SGCD: variants seen among roughly 807,000 people sequenced by gnomAD.
The protein encoded by SGCD is sarcoglycan delta.
Under a neutral mutation model 36.6 loss-of-function variants are expected in SGCD, and 18 were observed. That is an observed-to-expected ratio of 0.49 (90% CI 0.34 to 0.73). The LOEUF (loss-of-function observed/expected upper bound fraction) is 0.73. Among genes scored for constraint, SGCD ranks in the 30% least tolerant of loss-of-function variants. The probability of loss-of-function intolerance (pLI) is 0.01; values close to 1 mark genes in which losing one functional copy is unlikely to be tolerated. For missense variants in SGCD, 387 were observed against 346.7 expected, an observed-to-expected ratio of 1.12 and a Z score of -0.92; for synonymous variants, 133 against 130.6, an observed-to-expected ratio of 1.02 and a Z score of -0.12.
At chr5:155,914,709 C>T (rs1436521591) in intron 1 of SGCD, among the ~76,000 whole-genome samples, 1 of 152,114 alleles carries the variant, frequency 6.6e-6, no homozygotes, top group Non-Finnish European at 1.5e-5. Flanking sequence ...CAACAGATTC[C>T]AGTACATGAC....
intron 3 of SGCD, among the ~76,000 whole-genome samples, chr5:156,491,981 G>C (rs191797106): frequency 1.3e-5 from 2 of 151,962 alleles, no homozygotes; most frequent in Non-Finnish European, 2.9e-5. Flanking sequence ...GGGTTTCCCT[G>C]TCATCAGAAG....
intron 2 of SGCD, among the ~76,000 whole-genome samples, chr5:156,118,808 A>G (rs1761964986): frequency 1.3e-5 from 2 of 152,096 alleles, no homozygotes; most frequent in African/African-American, 4.8e-5. Context: ...AATCTTCAAA[A>G]TCCAGCAGTA....
intron 3 of SGCD, among the ~76,000 whole-genome samples, chr5:156,387,835 C>T (rs1047048151): frequency 2.0e-5 from 3 of 152,132 alleles, no homozygotes; most frequent in African/African-American, 4.8e-5. Context: ...CAAGACGGTG[C>T]AGGACATTAG....
intron 1 of SGCD, among the ~76,000 whole-genome samples, chr5:155,973,116 G>A (rs546721521): frequency 6.6e-6 from 1 of 152,110 alleles, no homozygotes; most frequent in African/African-American, 2.4e-5. Flanking sequence ...GTCCGAAAAA[G>A]TCTGATTTTA....
chr5:156,078,848 T>G (rs1321008515), intron 1 of SGCD, among the ~76,000 whole-genome samples: 1 of 150,768 alleles, frequency 6.6e-6, no homozygotes, highest in East Asian at 1.9e-4. Flanking sequence ...TTACACTTAT[T>G]TGTGTGTATA....
In SGCD at chr5:156,213,802, C is replaced by G. The variant is rs561060517; in HGVS notation, c.-44+89783C>G. ...TTGGGATTTATATCTGGGATTTAAG[C>G]ATTTTTCAACATACAGAAATCAATA... On this transcript the variant is annotated intron_variant, in intron 3 of 9. Transcript: ENST00000517913. Among the ~76,000 whole-genome samples the G allele has an allele frequency of 2.6e-5, 4 of 152,066 alleles. No homozygotes were observed. In the South Asian group the frequency reaches 8.3e-4, roughly 32 times the overall value.
At chr5:156,478,296 C>G (rs1504937) in intron 3 of SGCD, among the ~76,000 whole-genome samples, 1 of 152,142 alleles carries the variant, frequency 6.6e-6, no homozygotes, top group Non-Finnish European at 1.5e-5. Flanking sequence ...TTGAGCTCAG[C>G]CTCAGACCTC....
At chr5:155,734,651 T>C in the SGCD span, among the ~76,000 whole-genome samples, 1 of 152,238 alleles carries the variant, frequency 6.6e-6, no homozygotes, top group African/African-American at 2.4e-5. Flanking sequence ...CTGGTTTGTA[T>C]TTTTAAAAAC....
At chr5:156,015,459 T>C (rs1248377215) in intron 1 of SGCD, among the ~76,000 whole-genome samples, 2 of 152,086 alleles carry the variant, frequency 1.3e-5, no homozygotes, top group African/African-American at 4.8e-5. Flanking sequence ...TATGTATATA[T>C]TTATACTTCA....
chr5:156,300,785 T>C (rs988050532), intron 3 of SGCD, among the ~76,000 whole-genome samples: 1 of 152,148 alleles, frequency 6.6e-6, no homozygotes, highest in African/African-American at 2.4e-5. Flanking sequence ...TTTGTATATC[T>C]GAGCGCTCCA....
chr5:156,111,552 A>C (rs1761786076), intron 1 of SGCD, among the ~76,000 whole-genome samples: 2 of 152,188 alleles, frequency 1.3e-5, no homozygotes, highest in Non-Finnish European at 1.5e-5. Flanking sequence ...TAATGCAGAC[A>C]AGGGGATGTC....
chr5:156,059,447 G>T (rs1760146856), intron 1 of SGCD, among the ~76,000 whole-genome samples: 1 of 146,510 alleles, frequency 6.8e-6, no homozygotes, highest in Non-Finnish European at 1.5e-5. Context: ...TATCAGAAAA[G>T]GTGCATTAGA....
the SGCD span, among the ~76,000 whole-genome samples, chr5:155,799,322 T>C: frequency 1.3e-5 from 2 of 152,120 alleles, no homozygotes; most frequent in East Asian, 1.9e-4. Context: ...GCTACTGTTA[T>C]ATGGTAGCAA....
intron 3 of SGCD, among the ~76,000 whole-genome samples, chr5:156,179,238 T>C (rs758669628): frequency 2.6e-5 from 4 of 152,208 alleles, no homozygotes; most frequent in Non-Finnish European, 4.4e-5. Context: ...ACAAAAATGA[T>C]TTTCTATCTG....
At chr5:156,307,684 T>A (rs1171898233) in intron 3 of SGCD, among the ~76,000 whole-genome samples, 1 of 151,816 alleles carries the variant, frequency 6.6e-6, no homozygotes, top group Non-Finnish European at 1.5e-5. Context: ...TCTTTAACTA[T>A]TTTGTTTATA....
the SGCD span, among the ~76,000 whole-genome samples, chr5:155,776,491 A>G: frequency 6.6e-6 from 1 of 152,196 alleles, no homozygotes; most frequent in East Asian, 1.9e-4. Context: ...GGTTATTTTC[A>G]TAATTATCAA....
chr5:155,983,054 T>A (rs1253167548), intron 1 of SGCD, among the ~76,000 whole-genome samples: 7 of 152,220 alleles, frequency 4.6e-5, no homozygotes, highest in Non-Finnish European at 7.3e-5. Context: ...ATTAGTGAGA[T>A]AATGCTTGTG....
chr5:155,780,759 AC>A, the SGCD span, among the ~76,000 whole-genome samples: 1 of 152,214 alleles, frequency 6.6e-6, no homozygotes, highest in African/African-American at 2.4e-5. Context: ...TGATTCTCAA[AC>A]TTTTTGTATT....
At chr5:156,021,705 G>GA (rs1330843602) in intron 1 of SGCD, among the ~76,000 whole-genome samples, 1 of 152,060 alleles carries the variant, frequency 6.6e-6, no homozygotes, top group East Asian at 1.9e-4. Context: ...GAAACGGTGG[G>GA]AGGGTGTACA....
Sources: gnomAD v4.1 joint callset for allele counts (sites outside exome capture counted in the v4.1 genomes callset) on GRCh38, gnomAD v4.1.1 for gene constraint, MANE v1.5 for transcripts, NCBI Gene and HGNC (gene_info 2026-07-23, HGNC 2026-07-21) for gene names.